TRPM3: variants seen among roughly 807,000 people sequenced by gnomAD.
TRPM3 encodes the protein transient receptor potential cation channel subfamily M member 3.
TRPM3 carries 77 observed loss-of-function variants against 181.2 expected under a neutral mutation model. The ratio of observed to expected loss-of-function variants is 0.42; its 90% CI spans 0.35 to 0.51. TRPM3 has a LOEUF of 0.51. Among genes scored for constraint, TRPM3 ranks in the 20% least tolerant of loss-of-function variants. TRPM3 has a pLI of 0.01. For missense variants in TRPM3, 1,759 were observed against 2,196.7 expected, an observed-to-expected ratio of 0.80 and a Z score of 3.98; for synonymous variants, 745 against 796.4, an observed-to-expected ratio of 0.94 and a Z score of 1.09.
intron 1 of TRPM3, among the ~76,000 whole-genome samples, chr9:71,407,406 C>A (rs1450468089): frequency 6.6e-6 from 1 of 152,224 alleles, no homozygotes; most frequent in Non-Finnish European, 1.5e-5. Flanking sequence ...TCTTAGCAAA[C>A]AGCACACCAG....
chr9:70,934,241 A>G (rs1228070488), intron 1 of TRPM3, among the ~76,000 whole-genome samples: 1 of 152,166 alleles, frequency 6.6e-6, no homozygotes, highest in Admixed American at 6.5e-5. Flanking sequence ...CCAGAGAAGC[A>G]ATTTCCATAG....
At chr9:71,239,952 AG>A in intron 1 of TRPM3, among the ~76,000 whole-genome samples, 1 of 152,140 alleles carries the variant, frequency 6.6e-6, no homozygotes, top group East Asian at 1.9e-4. Context: ...GTTGAAAAAA[AG>A]GAATTTCATT....
At chr9:71,124,117 TA>T (rs2073889734), upstream of TRPM3, among the ~76,000 whole-genome samples, 1 of 151,562 alleles carries the variant, frequency 6.6e-6, no homozygotes, top group Non-Finnish European at 1.5e-5. Flanking sequence ...GCAAAAGAGG[TA>T]AAAGATCAAA....
At position 71,060,986 on chromosome 9, in the gene TRPM3, A is replaced by G. The variant is rs971737352; in HGVS notation, c.177+60192T>C. Among the ~76,000 whole-genome samples, 4 of 152,116 alleles carry G rather than the reference A, an allele frequency of 2.6e-5. No homozygotes were observed. In the East Asian group the frequency reaches 5.8e-4, roughly 22 times the overall value. ...AAAAGCAGAGTACTCTGAAATTAAG[A>G]AAAAAGTGGGTCTTTATATCATCTG... On this transcript the variant is annotated intron_variant, in intron 1 of 25. Transcript: ENST00000677713.
intron 1 of TRPM3, among the ~76,000 whole-genome samples, chr9:71,234,055 T>C (rs955410584): frequency 1.3e-5 from 2 of 152,202 alleles, no homozygotes; most frequent in East Asian, 3.8e-4. Flanking sequence ...AGTTTGGCTG[T>C]GTGGTTCTGG....
chr9:71,171,029 AG>A (rs2076824145), intron 1 of TRPM3, among the ~76,000 whole-genome samples: 1 of 123,386 alleles, frequency 8.1e-6, no homozygotes, highest in African/African-American at 2.8e-5. Context: ...GCTTATAAAC[AG>A]CCCCCCCCAG....
chr9:70,698,386 T>C lies in TRPM3; in HGVS notation c.1273-16808A>G, dbSNP rs116525539. 1.7e-3 allele frequency among the ~76,000 whole-genome samples: 262 copies of C among 152,256 alleles called. 2 individuals carry two copies. Among genetic ancestry groups the C allele is most frequent in the African/African-American group, 6.1e-3 (252 of 41,550 alleles). ...CCTTGAACAAGTTCTTTGCCACCTC[T>C]AAACTTCAAGTTCCTTATCTGAAAA... On this transcript the variant is annotated intron_variant, in intron 8 of 25. Transcript: ENST00000677713.
chr9:71,106,158 T>C (rs2134131820), intron 1 of TRPM3, among the ~76,000 whole-genome samples: 1 of 152,304 alleles, frequency 6.6e-6, no homozygotes, highest in Non-Finnish European at 1.5e-5. Flanking sequence ...GGAATTCATC[T>C]TGGTATTTAT....
intron 1 of TRPM3, among the ~76,000 whole-genome samples, chr9:71,413,031 A>C (rs2131468067): frequency 6.6e-6 from 1 of 152,114 alleles, no homozygotes; most frequent in African/African-American, 2.4e-5. Context: ...TCTCACTCAT[A>C]GGTGGGAATT....
chr9:70,688,008 T>A (rs903379030), intron 8 of TRPM3, among the ~76,000 whole-genome samples: 2 of 152,218 alleles, frequency 1.3e-5, no homozygotes, highest in Admixed American at 1.3e-4. Context: ...CTCTGCCACA[T>A]GGGTTCTTCC....
chr9:70,898,626 T>C (rs950890539), intron 1 of TRPM3, among the ~76,000 whole-genome samples: 3 of 149,252 alleles, frequency 2.0e-5, no homozygotes, highest in African/African-American at 7.4e-5. Context: ...TGCGTGCCTG[T>C]AGTCCCAGTT....
At chr9:70,931,042 TTTTG>T (rs747807961) in intron 1 of TRPM3, among the ~76,000 whole-genome samples, 1 of 152,088 alleles carries the variant, frequency 6.6e-6, no homozygotes, top group Non-Finnish European at 1.5e-5. Context: ...GAGTGGCTTT[TTTTG>T]TTTGTTTTGA....
chr9:71,224,742 G>GA (rs2131866920), intron 1 of TRPM3, among the ~76,000 whole-genome samples: 1 of 150,966 alleles, frequency 6.6e-6, no homozygotes, highest in Admixed American at 6.6e-5. Context: ...ATCTGGAGTT[G>GA]AAAAATGCAA....
intron 1 of TRPM3, among the ~76,000 whole-genome samples, chr9:70,944,434 C>T (rs1471792159): frequency 1.3e-5 from 2 of 152,176 alleles, no homozygotes; most frequent in Non-Finnish European, 1.5e-5. Context: ...CACAGCCCCA[C>T]TTTTCTCTTA....
At chr9:70,914,871 A>G (rs1358259047) in intron 1 of TRPM3, among the ~76,000 whole-genome samples, 1 of 152,242 alleles carries the variant, frequency 6.6e-6, no homozygotes, top group African/African-American at 2.4e-5. Context: ...ATGAGTTTGC[A>G]AGAACTACAG....
At chr9:70,826,486 G>A (rs2093564264) in intron 6 of TRPM3, 1 of 152,086 alleles carries the variant, frequency 6.6e-6, no homozygotes, top group African/African-American at 2.4e-5. Flanking sequence ...ATTATTTCAG[G>A]TTTCACTGTG....
intron 1 of TRPM3, among the ~76,000 whole-genome samples, chr9:71,014,015 T>G (rs1423763457): frequency 6.6e-6 from 1 of 151,970 alleles, no homozygotes; most frequent in African/African-American, 2.4e-5. Context: ...GATTGGAAAT[T>G]TTTTCATTTA....
intron 11 of TRPM3, among the ~76,000 whole-genome samples, chr9:70,637,017 T>C (rs2057324795): frequency 2.6e-5 from 4 of 152,092 alleles, no homozygotes; most frequent in Admixed American, 2.6e-4. Flanking sequence ...ATTCAAGTAT[T>C]GAGACAGGTC....
At chr9:70,814,813 C>A (rs1243467161) in intron 6 of TRPM3, among the ~76,000 whole-genome samples, 1 of 151,994 alleles carries the variant, frequency 6.6e-6, no homozygotes, top group African/African-American at 2.4e-5. Flanking sequence ...AACTCCTAGG[C>A]CCTGTGAATA....
Sources: allele counts gnomAD v4.1 joint callset (sites outside exome capture counted in the v4.1 genomes callset), GRCh38; gene constraint gnomAD v4.1.1; transcripts MANE v1.5; gene names NCBI Gene and HGNC (gene_info 2026-07-23, HGNC 2026-07-21).